GDPD1: variants seen among roughly 807,000 people sequenced by gnomAD.
GDPD1 encodes the protein glycerophosphodiester phosphodiesterase domain containing 1, also known as lysophospholipase D GDPD1.
A neutral mutation model predicts 45.1 loss-of-function variants in GDPD1; 28 were observed. The ratio of observed to expected loss-of-function variants is 0.62; its 90% CI spans 0.46 to 0.85. The LOEUF is 0.85. GDPD1 is among the 40% of genes least tolerant of loss of function. The probability of loss-of-function intolerance (pLI) is 0.00; values close to 1 mark genes in which losing one functional copy is unlikely to be tolerated. For synonymous variants in GDPD1, 139 were observed against 131.4 expected (o/e 1.06, Z -0.40); for missense variants, 256 against 364.8 (o/e 0.70, Z 2.43).
chr17:59,238,861 G>C (rs1442988894), intron 2 of GDPD1, among the ~76,000 whole-genome samples: 1 of 152,128 alleles, frequency 6.6e-6, no homozygotes, highest in Non-Finnish European at 1.5e-5. Context: ...CAGAACATTA[G>C]CAAAAGACTG....
intron 5 of GDPD1, 61 bp from the exon 6 acceptor site, chr17:59,257,690 A>C: frequency 1.0e-6 from 1 of 992,930 alleles, no homozygotes; most frequent in Non-Finnish European, 1.6e-6. Flanking sequence ...TTTTTAAGTG[A>C]AATGTTGTTA....
intron 6 of GDPD1, among the ~76,000 whole-genome samples, chr17:59,263,698 T>C (rs1287231538): frequency 1.3e-5 from 2 of 151,896 alleles, no homozygotes; most frequent in Non-Finnish European, 2.9e-5. Context: ...CAGGCCGGTC[T>C]TGAACTCCCA....
intron 2 of GDPD1, among the ~76,000 whole-genome samples, chr17:59,237,061 G>A (rs952463274): frequency 2.0e-5 from 3 of 151,258 alleles, no homozygotes; most frequent in African/African-American, 7.3e-5. Context: ...GTTTTGTTTT[G>A]TTTTCATACT....
At chr17:59,256,332 C>A (rs1413751306) in intron 4 of GDPD1, among the ~76,000 whole-genome samples, 12 of 151,512 alleles carry the variant, frequency 7.9e-5, no homozygotes, top group Non-Finnish European at 4.4e-5. Flanking sequence ...AACAAACAAA[C>A]AAAAAAGAGA....
At chr17:59,238,496 C>T (rs1038931333) in intron 2 of GDPD1, among the ~76,000 whole-genome samples, 71 of 151,244 alleles carry the variant, frequency 4.7e-4, no homozygotes, top group Non-Finnish European at 1.6e-4. Context: ...TCACTGCAAC[C>T]TCTGCCTCCC....
chr17:59,248,537 A>G (rs1369653793), intron 3 of GDPD1, among the ~76,000 whole-genome samples: 1 of 152,022 alleles, frequency 6.6e-6, no homozygotes, highest in Admixed American at 6.6e-5. Flanking sequence ...GTCTATATTA[A>G]ATAGTACAGA....
rs957947215 is a variant in GDPD1, at chr17:59,274,810, A to G, written c.*1037A>G. On this transcript the variant is annotated 3_prime_UTR_variant, in exon 10 of 10. Transcript: ENST00000284116. ...GAAAAAAAGAAAAAAAATTGGCAATAGTCTTCACTGGAATACAATCAATTA... is the reference window on the plus strand; with the variant it reads ...GAAAAAAAGAAAAAAAATTGGCAATGGTCTTCACTGGAATACAATCAATTA... 1.1e-4 allele frequency among the ~76,000 whole-genome samples: 16 copies of G among 151,510 alleles called. No individual in the cohort carries two copies. Among genetic ancestry groups the G allele is most frequent in the South Asian group, 2.1e-4 (1 of 4,788 alleles).
chr17:59,241,607 C>T (rs940931066), intron 2 of GDPD1, among the ~76,000 whole-genome samples: 3 of 151,090 alleles, frequency 2.0e-5, no homozygotes, highest in Non-Finnish European at 4.4e-5. Context: ...CATGAGCCAT[C>T]GTGCCCAGCC....
chr17:59,274,777 CAAAAAAAG>C lies in GDPD1; in HGVS notation c.*1020_*1027del, dbSNP rs944770450. 1.4e-5 allele frequency among the ~76,000 whole-genome samples: 2 copies of C among 144,956 alleles called. No individual in the cohort carries two copies. The highest frequency in any genetic ancestry group is 2.5e-5 in the African/African-American group (1 of 39,254). On this transcript the variant is annotated 3_prime_UTR_variant, in exon 10 of 10. Coordinates refer to ENST00000284116, the MANE Select transcript of GDPD1 (RefSeq NM_182569.4). ...TGGGCTACAGAGCAAGACTCCGTCT[CAAAAAAAG>C]AAAAAAAGAAAAAAAATTGGCAATA...
chr17:59,255,863 A>ATATACACACG (rs2047303985), intron 4 of GDPD1, among the ~76,000 whole-genome samples: 1 of 88,800 alleles, frequency 1.1e-5, no homozygotes, highest in African/African-American at 6.8e-5. Context: ...ACACGTATAT[A>ATATACACACG]TATATATATA....
At chr17:59,238,965 A>T (rs1017509179) in intron 2 of GDPD1, among the ~76,000 whole-genome samples, 1 of 152,200 alleles carries the variant, frequency 6.6e-6, no homozygotes, top group Non-Finnish European at 1.5e-5. Flanking sequence ...TAAACCCTTG[A>T]GTATGTAAGA....
At position 59,248,788 on chromosome 17, in the gene GDPD1, A is replaced by G; in HGVS notation, c.367+3A>G. On this transcript the variant is annotated splice_donor_region_variant and intron_variant, in intron 4 of 9. Coordinates refer to ENST00000284116, the MANE Select transcript of GDPD1 (RefSeq NM_182569.4). The stretch of plus-strand genomic sequence containing the variant: ...ACTGGATGTCTCATTTCAAAGAGGT[A>G]ATATTTTTTGTTTGTGGCTTAAACA... 1.3e-6 allele frequency: 2 copies of G among 1,597,898 alleles called. No homozygotes were observed. The highest frequency in any genetic ancestry group is 1.7e-6 in the Non-Finnish European group (2 of 1,169,910).
chr17:59,248,572 T>G (rs753589426), intron 3 of GDPD1, among the ~76,000 whole-genome samples, 168 bp from the exon 4 acceptor site: 1 of 152,132 alleles, frequency 6.6e-6, no homozygotes, highest in Non-Finnish European at 1.5e-5. Context: ...ATGGCATAAG[T>G]AAGTAATATG....
intron 7 of GDPD1, among the ~76,000 whole-genome samples, chr17:59,267,898 TACCTCAGATGATCCACCC>T (rs1257480377): frequency 6.6e-6 from 1 of 151,922 alleles, no homozygotes; most frequent in Non-Finnish European, 1.5e-5. Flanking sequence ...TCCAACTCCT[TACCTCAGATGATCCACCC>T]ACCTCCTCCC....
intron 8 of GDPD1, among the ~76,000 whole-genome samples, chr17:59,271,299 T>C (rs576980247): frequency 6.6e-6 from 1 of 152,294 alleles, no homozygotes; most frequent in South Asian, 2.1e-4. Context: ...TAAATAACCA[T>C]TCCCTTTAGC....
At chr17:59,238,191 C>T (rs1432984258) in intron 2 of GDPD1, among the ~76,000 whole-genome samples, 2 of 147,976 alleles carry the variant, frequency 1.4e-5, no homozygotes, top group Admixed American at 1.4e-4. Flanking sequence ...TCACTTGAAC[C>T]CAGGAGGCGG....
intron 2 of GDPD1, among the ~76,000 whole-genome samples, chr17:59,235,059 G>A (rs1453664247): frequency 6.6e-6 from 1 of 151,474 alleles, no homozygotes; most frequent in Non-Finnish European, 1.5e-5. Flanking sequence ...TCACAGAGAA[G>A]CAGCAGGAGA....
rs377618356 is a variant in GDPD1 at position 59,260,313 on chromosome 17, G to A, written c.576+2473G>A. On this transcript the variant is annotated intron_variant, in intron 6 of 9. Coordinates refer to ENST00000284116, the MANE Select transcript of GDPD1 (RefSeq NM_182569.4). Reference sequence around the variant, plus strand: ...TCCCAGCACTTTGGGAGGCTGAGGCGGGTGGATCACCTGAGGTCAGGAGTC... The same window carrying A: ...TCCCAGCACTTTGGGAGGCTGAGGCAGGTGGATCACCTGAGGTCAGGAGTC... Among the ~76,000 whole-genome samples, 41 of 151,732 alleles carry A rather than the reference G, an allele frequency of 2.7e-4. 1 individual carries two copies. The East Asian group carries it at 7.2e-3, about 27-fold the overall frequency.
intron 1 of GDPD1, among the ~76,000 whole-genome samples, chr17:59,230,734 G>A (rs1034332287): frequency 6.6e-6 from 1 of 152,068 alleles, no homozygotes; most frequent in African/African-American, 2.4e-5. Context: ...AAGATTAAAG[G>A]TGATTAGCAT....
Sources: allele counts gnomAD v4.1 joint callset (sites outside exome capture counted in the v4.1 genomes callset), GRCh38; gene constraint gnomAD v4.1.1; transcripts MANE v1.5; gene names NCBI Gene and HGNC (gene_info 2026-07-23, HGNC 2026-07-21).